The following DMD variants were observed in gnomAD, a reference collection of about 807,000 sequenced individuals.
DMD encodes the protein mutant dystrophin.
A neutral mutation model predicts 330.1 loss-of-function variants in DMD; 63 were observed. That is an observed-to-expected ratio of 0.19 (90% confidence interval 0.16 to 0.24). The LOEUF is 0.24. DMD is among the 10% of genes least tolerant of loss of function. The pLI is 1.00. For missense variants in DMD, 3,344 were observed against 2,684.1 expected, an observed-to-expected ratio of 1.25 and a Z score of -5.43; for synonymous variants, 1,223 against 959.8, an observed-to-expected ratio of 1.27 and a Z score of -5.07.
intron 1 of DMD, among the ~76,000 whole-genome samples, chrX:33,060,884 C>T (rs1342523274): frequency 1.8e-5 from 2 of 109,644 alleles, no homozygotes; most frequent in East Asian, 5.7e-4. Flanking sequence ...TTATGTATCA[C>T]TTGACAAAAA....
intron 2 of DMD, among the ~76,000 whole-genome samples, chrX:32,871,547 T>A (rs969457525): frequency 9.0e-6 from 1 of 111,540 alleles, no homozygotes; most frequent in East Asian, 2.8e-4. Context: ...AATCTATTGA[T>A]AAGATTAGAG....
At chrX:32,921,933 G>A (rs746723812) in intron 2 of DMD, among the ~76,000 whole-genome samples, 11 of 111,256 alleles carry the variant, frequency 9.9e-5, no homozygotes, top group Middle Eastern at 9.2e-3. Context: ...TAGACTCTAT[G>A]TATGTATGGT....
chrX:32,483,781 C>T (rs1412690183), intron 21 of DMD, among the ~76,000 whole-genome samples: 3 of 38,874 alleles, frequency 7.7e-5, no homozygotes, highest in African/African-American at 3.1e-4. Context: ...ACTACCTGTA[C>T]AGGAAAATAA....
intron 55 of DMD, among the ~76,000 whole-genome samples, chrX:31,510,703 G>T (rs1405319568): frequency 1.8e-5 from 2 of 109,036 alleles, no homozygotes; most frequent in South Asian, 4.1e-4. Context: ...TAGAAACAGG[G>T]TTTCACCATG....
At chrX:32,502,733 A>C (rs1292827857) in intron 18 of DMD, among the ~76,000 whole-genome samples, 1 of 112,320 alleles carries the variant, frequency 8.9e-6, no homozygotes, top group Non-Finnish European at 1.9e-5. Flanking sequence ...TTGAGGCAGA[A>C]GGTTATTCTA....
At chrX:31,830,913 C>T (rs949270919) in intron 49 of DMD, among the ~76,000 whole-genome samples, 12 of 112,044 alleles carry the variant, frequency 1.1e-4, no homozygotes, top group African/African-American at 2.9e-4. Flanking sequence ...CCTTTACCAA[C>T]GACGTGTCTA....
chrX:32,022,918 C>T (rs1471731815), intron 44 of DMD, among the ~76,000 whole-genome samples: 4 of 107,600 alleles, frequency 3.7e-5, no homozygotes, highest in Non-Finnish European at 5.8e-5. Context: ...CTGCAAACTC[C>T]GCCTCCCGGG....
chrX:33,107,562 A>C lies in DMD; in HGVS notation c.32-87362T>G, dbSNP rs183895628. Among the ~76,000 whole-genome samples, 48 of 111,478 alleles carry C rather than the reference A, an allele frequency of 4.3e-4. No individual in the cohort carries two copies. The East Asian group carries it at 0.012, about 29-fold the overall frequency. Reference sequence around the variant, plus strand: ...CTCCAACCAACAGAACTAATACTTAAGTATAATTTCCATGGTAATGATTAT... The same window carrying C: ...CTCCAACCAACAGAACTAATACTTACGTATAATTTCCATGGTAATGATTAT... On this transcript the variant is annotated intron_variant, in intron 1 of 78. Transcript: ENST00000357033.
At chrX:32,095,178 G>A (rs775587688) in intron 44 of DMD, among the ~76,000 whole-genome samples, 39 of 111,248 alleles carry the variant, frequency 3.5e-4, no homozygotes, top group Middle Eastern at 4.6e-3. Context: ...AAATAATAGG[G>A]CCCTGTCTTT....
chrX:32,809,233 C>G (rs891670415), intron 7 of DMD, among the ~76,000 whole-genome samples: 4 of 111,548 alleles, frequency 3.6e-5, no homozygotes, highest in Non-Finnish European at 7.5e-5. Flanking sequence ...GCAGTATGCT[C>G]CATCCATAGG....
chrX:31,242,259 A>G (rs1404177091), intron 63 of DMD, among the ~76,000 whole-genome samples: 2 of 88,010 alleles, frequency 2.3e-5, no homozygotes, highest in Non-Finnish European at 4.3e-5. Context: ...CTGTCTCAAA[A>G]AGCAAAAAAA....
chrX:31,732,300 A>G (rs1183248762), intron 51 of DMD, among the ~76,000 whole-genome samples: 1 of 112,016 alleles, frequency 8.9e-6, no homozygotes, highest in African/African-American at 3.2e-5. Flanking sequence ...GGGATTTATC[A>G]TACACTAATA....
At chrX:31,424,625 A>G (rs755439262) in intron 60 of DMD, among the ~76,000 whole-genome samples, 3 of 112,475 alleles carry the variant, frequency 2.7e-5, no homozygotes, top group Non-Finnish European at 5.6e-5. Context: ...CAAAAAAGAA[A>G]TAATACATAA....
At chrX:31,877,444 C>G (rs781433838) in intron 47 of DMD, among the ~76,000 whole-genome samples, 1 of 112,063 alleles carries the variant, frequency 8.9e-6, no homozygotes, top group South Asian at 3.7e-4. Context: ...GTGTAAAAGA[C>G]TGATGGGAAA....
chrX:32,043,381 A>G (rs1283368587), intron 44 of DMD, among the ~76,000 whole-genome samples: 1 of 111,934 alleles, frequency 8.9e-6, no homozygotes, highest in Non-Finnish European at 1.9e-5. Flanking sequence ...TGTTCAATAA[A>G]AAATCATTAT....
At chrX:32,368,312 T>C (rs902019545) in intron 34 of DMD, among the ~76,000 whole-genome samples, 6 of 110,170 alleles carry the variant, frequency 5.4e-5, no homozygotes, top group Non-Finnish European at 7.6e-5. Context: ...GATATCATAC[T>C]AGAAAAAAAT....
At chrX:33,210,917 C>T (rs1480203121) in intron 1 of DMD, among the ~76,000 whole-genome samples, 2 of 111,045 alleles carry the variant, frequency 1.8e-5, no homozygotes, top group Non-Finnish European at 3.8e-5. Flanking sequence ...TTACTAAATA[C>T]GGAAGTATCA....
chrX:32,702,656 G>A (rs185345168), intron 7 of DMD, among the ~76,000 whole-genome samples: 52 of 111,221 alleles, frequency 4.7e-4, no homozygotes, highest in Non-Finnish European at 2.5e-4. Flanking sequence ...GATTGCTGGA[G>A]GAAAACTTGA....
Position 33,231,963 on chromosome X carries a change from G to A in DMD, c.7+107296C>T, listed in dbSNP as rs139359214. ...AAGGAAATGCAATTTATAGGGGTCAGCTTCACAGTGACAGAGCAGAACAAA... is the reference window on the plus strand; with the variant it reads ...AAGGAAATGCAATTTATAGGGGTCAACTTCACAGTGACAGAGCAGAACAAA... On this transcript the variant is annotated intron_variant, in intron 1 of 17. Transcript: ENST00000288447. 3.7e-3 allele frequency among the ~76,000 whole-genome samples: 410 copies of A among 111,338 alleles called. 1 individual carries two copies. The highest frequency in any genetic ancestry group is 0.013 in the African/African-American group (392 of 30,678).
Sources: allele counts gnomAD v4.1 joint callset (sites outside exome capture counted in the v4.1 genomes callset), GRCh38; gene constraint gnomAD v4.1.1; transcripts MANE v1.5; gene names NCBI Gene and HGNC (gene_info 2026-07-23, HGNC 2026-07-21).